AP3B1: variants seen among roughly 807,000 people sequenced by gnomAD.
The protein encoded by AP3B1 is adaptor related protein complex 3 subunit beta 1.
In AP3B1, 61 loss-of-function variants were observed where a neutral mutation model predicts 132.5. The observed-to-expected ratio is 0.46, with a 90% confidence interval of 0.37 to 0.57. The LOEUF (loss-of-function observed/expected upper bound fraction) is 0.57. AP3B1 is among the 20% of genes least tolerant of loss of function. The probability of loss-of-function intolerance (pLI) is 0.00; values close to 1 mark genes in which losing one functional copy is unlikely to be tolerated. For missense variants in AP3B1, 1,120 were observed against 1,289.4 expected, an observed-to-expected ratio of 0.87 and a Z score of 2.01; for synonymous variants, 388 against 438.3, an observed-to-expected ratio of 0.89 and a Z score of 1.43.
intron 1 of AP3B1, among the ~76,000 whole-genome samples, chr5:78,282,027 C>A (rs373204598): frequency 6.6e-6 from 1 of 152,150 alleles, no homozygotes; most frequent in Admixed American, 6.5e-5. Flanking sequence ...CTGCAATAAC[C>A]ATCCTTCGTC....
intron 22 of AP3B1, among the ~76,000 whole-genome samples, chr5:78,055,692 T>C (rs252789): frequency 0.27 from 40,693 of 152,076 alleles, 6,062 homozygotes; most frequent in Admixed American, 0.4. Flanking sequence ...AGGTCAGTCA[T>C]GCAAGCTCAT....
chr5:78,203,675 T>G (rs1465786123), intron 7 of AP3B1, among the ~76,000 whole-genome samples: 1 of 152,204 alleles, frequency 6.6e-6, no homozygotes, highest in East Asian at 1.9e-4. Flanking sequence ...CCATTCTATT[T>G]GCCCCTTTCT....
intron 22 of AP3B1, chr5:78,087,371 C>CTCGGAA: frequency 4.1e-6 from 1 of 246,152 alleles, no homozygotes; most frequent in Non-Finnish European, 6.5e-6. Context: ...ATCTTCTTTT[C>CTCGGAA]TCAGTACTGT....
chr5:78,156,432 TA>T, intron 13 of AP3B1, 65 bp from the exon 14 acceptor site: 1 of 1,146,912 alleles, frequency 8.7e-7, no homozygotes, highest in South Asian at 1.3e-5. Flanking sequence ...ATATGCTTCG[TA>T]AAATGTAAAC....
At chr5:78,118,226 G>A (rs891732783) in intron 17 of AP3B1, among the ~76,000 whole-genome samples, 16 of 152,178 alleles carry the variant, frequency 1.1e-4, no homozygotes, top group Non-Finnish European at 2.1e-4. Context: ...GGCCGAATAG[G>A]AACAGCTCCG....
rs1384754808 is a variant in AP3B1 at position 78,141,145 on chromosome 5, G to C, written c.1648C>G (p.Gln550Glu). 4 of 1,613,170 alleles carry C rather than the reference G, an allele frequency of 2.5e-6. No homozygotes were observed. Among genetic ancestry groups the C allele is most frequent in the African/African-American group, 2.7e-5 (2 of 74,894 alleles). The change falls in exon 15 of 27, where the codon CAG becomes GAG. Residue 550 changes from glutamine (Q) to glutamate (E), a missense_variant and splice_region_variant. Physicochemically the swap from Gln to Glu is conservative, Grantham distance 29. Around this residue, in one of 3 missense-constraint regions of AP3B1, gnomAD observed 906 missense variants for 997.1 expected, o/e 0.91. Coordinates refer to ENST00000255194, the MANE Select transcript of AP3B1 (RefSeq NM_003664.5). Reference protein sequence around the residue: ...GAKLYLTNSKQTKLLTQYILN... With the variant: ...GAKLYLTNSKETKLLTQYILN... ...GTTGACTAACATTTGCCTCTCACCT[G>C]TTTGGAGTTGGTTAAATACAATTTT...
At chr5:78,181,932 C>T (rs534489290) in intron 7 of AP3B1, among the ~76,000 whole-genome samples, 1 of 152,112 alleles carries the variant, frequency 6.6e-6, no homozygotes, top group Non-Finnish European at 1.5e-5. Flanking sequence ...CATAGAAATA[C>T]CTATAGTCCT....
At chr5:78,065,152 C>T (rs1402345526) in intron 22 of AP3B1, among the ~76,000 whole-genome samples, 1 of 152,138 alleles carries the variant, frequency 6.6e-6, no homozygotes, top group East Asian at 1.9e-4. Flanking sequence ...TACTATCCCG[C>T]CCAGGAAACC....
chr5:78,092,174 T>C (rs1448897647), intron 21 of AP3B1, among the ~76,000 whole-genome samples: 7 of 152,198 alleles, frequency 4.6e-5, no homozygotes. Context: ...AGAATGCCCA[T>C]GTAACGAATA....
intron 9 of AP3B1, 129 bp from the exon 10 acceptor site, chr5:78,175,967 A>G (rs1645863029): frequency 1.3e-6 from 1 of 772,384 alleles, no homozygotes; most frequent in Admixed American, 2.2e-5. Context: ...AATAATGAAA[A>G]GTTTTTAGTA....
At chr5:78,262,410 T>C (rs919703979) in intron 2 of AP3B1, among the ~76,000 whole-genome samples, 2 of 152,190 alleles carry the variant, frequency 1.3e-5, no homozygotes, top group Non-Finnish European at 2.9e-5. Context: ...TATGGTGTGA[T>C]ACAGAAAGAA....
At chr5:78,116,586 T>C (rs1751839158) in intron 17 of AP3B1, among the ~76,000 whole-genome samples, 1 of 151,064 alleles carries the variant, frequency 6.6e-6, no homozygotes, top group African/African-American at 2.4e-5. Context: ...AAACACAAGT[T>C]GATAGCTTGA....
At chr5:78,185,476 T>C (rs898906701) in intron 7 of AP3B1, among the ~76,000 whole-genome samples, 1 of 152,210 alleles carries the variant, frequency 6.6e-6, no homozygotes, top group Non-Finnish European at 1.5e-5. Flanking sequence ...GTTAAAAAGT[T>C]TGCCCCTTGA....
intron 21 of AP3B1, among the ~76,000 whole-genome samples, chr5:78,094,255 A>C (rs1750674360): frequency 6.6e-6 from 1 of 152,228 alleles, no homozygotes; most frequent in Admixed American, 6.5e-5. Context: ...GATATCTCTA[A>C]GTCTAACAAA....
chr5:78,080,214 G>C (rs1172599134), intron 22 of AP3B1, among the ~76,000 whole-genome samples: 1 of 152,038 alleles, frequency 6.6e-6, no homozygotes, highest in Non-Finnish European at 1.5e-5. Flanking sequence ...TTGTCATGTT[G>C]ACCAGGCTGG....
intron 1 of AP3B1, among the ~76,000 whole-genome samples, chr5:78,279,890 T>C (rs1474531462): frequency 7.2e-6 from 1 of 139,268 alleles, no homozygotes; most frequent in Non-Finnish European, 1.5e-5. Context: ...ATGACTTAAA[T>C]ATATATATAT....
intron 26 of AP3B1, among the ~76,000 whole-genome samples, chr5:78,014,032 G>A (rs1408623369): frequency 5.9e-5 from 9 of 152,066 alleles, no homozygotes; most frequent in African/African-American, 1.7e-4. Flanking sequence ...GCGTGGTGCC[G>A]GGTGCCTGTA....
chr5:78,176,199 T>G (rs559626675), intron 9 of AP3B1, among the ~76,000 whole-genome samples: 1 of 152,176 alleles, frequency 6.6e-6, no homozygotes, highest in African/African-American at 2.4e-5. Flanking sequence ...AAATAACTCA[T>G]TCTTCCCAGG....
At chr5:78,200,223 C>T (rs1227490264) in intron 7 of AP3B1, among the ~76,000 whole-genome samples, 1 of 151,876 alleles carries the variant, frequency 6.6e-6, no homozygotes, top group African/African-American at 2.4e-5. Context: ...CAATCTGTGA[C>T]TGCCAAGCAG....
Sources: gnomAD v4.1 joint callset for allele counts (sites outside exome capture counted in the v4.1 genomes callset) on GRCh38, gnomAD v4.1.1 for gene constraint, gnomAD v4.1.1 regional missense constraint, MANE v1.5 for transcripts, NCBI Gene and HGNC (gene_info 2026-07-23, HGNC 2026-07-21) for gene names.